Variants in ZFAND3 observed in about 807,000 individuals in gnomAD.
ZFAND3 encodes the protein AN1-type zinc finger protein 3.
In ZFAND3, 10 loss-of-function variants were observed where a neutral mutation model predicts 29.6. The ratio of observed to expected loss-of-function variants is 0.34; its 90% CI spans 0.21 to 0.57. The LOEUF (loss-of-function observed/expected upper bound fraction) is 0.57, where lower values mean the gene tolerates loss of function less well. Ranked by LOEUF, ZFAND3 falls within the 20% of genes least tolerant of loss-of-function variation. The pLI is 0.86. For synonymous variants in ZFAND3, 128 were observed against 112.6 expected (o/e 1.14, Z -0.87); for missense variants, 230 against 304.5 (o/e 0.76, Z 1.82).
chr6:38,111,362 A>C (rs1205962471), intron 4 of ZFAND3, among the ~76,000 whole-genome samples: 1 of 152,246 alleles, frequency 6.6e-6, no homozygotes, highest in African/African-American at 2.4e-5. Flanking sequence ...AATACAGTAT[A>C]ACAACTATTT....
chr6:37,965,454 G>A (rs1196881370), intron 2 of ZFAND3, among the ~76,000 whole-genome samples: 6 of 152,104 alleles, frequency 3.9e-5, no homozygotes, highest in East Asian at 1.9e-4. Context: ...GCGAGTAGCC[G>A]GGAGTTCATA....
rs1210302186 is a variant in ZFAND3, at chr6:37,889,478, G to A, written c.72-40481G>A. 2.6e-5 allele frequency among the ~76,000 whole-genome samples: 4 copies of A among 152,228 alleles called. 1 individual carries two copies. The highest frequency in any genetic ancestry group is 2.6e-4 in the Admixed American group (4 of 15,286). ...AAATGGGGATTTTATTAGTGAGAAGGATGGAGTAATAGCTAGGTATGTTAC... is the reference window on the plus strand; with the variant it reads ...AAATGGGGATTTTATTAGTGAGAAGAATGGAGTAATAGCTAGGTATGTTAC... On this transcript the variant is annotated intron_variant, in intron 1 of 5. Coordinates refer to ENST00000287218, the MANE Select transcript of ZFAND3 (RefSeq NM_021943.3).
At chr6:37,889,975 C>T (rs1765063446) in intron 1 of ZFAND3, among the ~76,000 whole-genome samples, 1 of 152,174 alleles carries the variant, frequency 6.6e-6, no homozygotes, top group Admixed American at 6.5e-5. Flanking sequence ...CAGGGTACTT[C>T]TCATGACATT....
intron 2 of ZFAND3, among the ~76,000 whole-genome samples, chr6:37,939,932 C>T (rs1047375961): frequency 1.2e-4 from 18 of 152,050 alleles, no homozygotes; most frequent in African/African-American, 3.6e-4. Flanking sequence ...CCCAGCTACT[C>T]CGGAAACTGA....
At chr6:37,828,009 A>G (rs530115924) in intron 1 of ZFAND3, among the ~76,000 whole-genome samples, 1 of 152,212 alleles carries the variant, frequency 6.6e-6, no homozygotes, top group South Asian at 2.1e-4. Flanking sequence ...CCTTTTTGGG[A>G]GTGTCTTTTC....
At chr6:38,134,553 C>T (rs1765804666) in intron 5 of ZFAND3, among the ~76,000 whole-genome samples, 1 of 152,168 alleles carries the variant, frequency 6.6e-6, no homozygotes, top group Admixed American at 6.5e-5. Context: ...ACTCCTTGAG[C>T]TTGATAGCTT....
At chr6:37,924,134 T>C (rs911992348) in intron 1 of ZFAND3, among the ~76,000 whole-genome samples, 38 of 152,182 alleles carry the variant, frequency 2.5e-4, no homozygotes, top group Non-Finnish European at 4.4e-5. Flanking sequence ...ACCTGTTATA[T>C]TCTGAGTGAC....
At chr6:37,992,992 A>G (rs1373840137) in intron 2 of ZFAND3, among the ~76,000 whole-genome samples, 1 of 152,206 alleles carries the variant, frequency 6.6e-6, no homozygotes. Context: ...TTGTTACTGC[A>G]TCACATTCCA....
In ZFAND3 at chr6:38,061,767, A is replaced by G. The variant is rs771830587; in HGVS notation, c.287A>G (p.Lys96Arg). The change falls in exon 3 of 6, where the codon AAA becomes AGA. Residue 96 changes from lysine (K) to arginine (R), a missense_variant. By Grantham distance (26) the Lys-to-Arg change is conservative. Around this residue, in one of 2 missense-constraint regions of ZFAND3, gnomAD observed 180 missense variants for 202.5 expected, o/e 0.89. Coordinates refer to ENST00000287218, the MANE Select transcript of ZFAND3 (RefSeq NM_021943.3). ...GAACTGAATGTAACTTCACCGAGTA[A>G]AGAGGAGTGTAAGTGTCTGGCTTCT... is the stretch of plus-strand genomic sequence containing the variant. ...PTELNVTSPS[K>R]EECGPCTDTA... 1 of 1,613,972 alleles carries G rather than the reference A, an allele frequency of 6.2e-7. No individual in the cohort carries two copies. Among genetic ancestry groups the G allele is most frequent in the Non-Finnish European group, 8.5e-7 (1 of 1,179,996 alleles).
intron 3 of ZFAND3, among the ~76,000 whole-genome samples, chr6:38,076,042 G>C (rs1301243326): frequency 6.6e-6 from 1 of 152,014 alleles, no homozygotes; most frequent in African/African-American, 2.4e-5. Flanking sequence ...GTGAGCCACC[G>C]ATCCCGGCCT....
chr6:38,121,349 C>T (rs1280852956), intron 5 of ZFAND3, among the ~76,000 whole-genome samples: 3 of 152,188 alleles, frequency 2.0e-5, no homozygotes, highest in African/African-American at 7.2e-5. Context: ...TGCACTGCAG[C>T]ATGGGCAACA....
At chr6:37,882,286 G>A (rs956651951) in intron 1 of ZFAND3, among the ~76,000 whole-genome samples, 2 of 152,112 alleles carry the variant, frequency 1.3e-5, no homozygotes, top group African/African-American at 2.4e-5. Context: ...TAGACCACAC[G>A]AAGCCCCTCC....
intron 2 of ZFAND3, among the ~76,000 whole-genome samples, chr6:37,968,150 C>T (rs1430429487): frequency 6.6e-6 from 1 of 151,798 alleles, no homozygotes. Flanking sequence ...GGTTTTTTGA[C>T]AAGAAATTGG....
At chr6:37,955,753 C>G (rs1324534160) in intron 2 of ZFAND3, among the ~76,000 whole-genome samples, 2 of 152,230 alleles carry the variant, frequency 1.3e-5, no homozygotes, top group Non-Finnish European at 1.5e-5. Flanking sequence ...GGCTCTGCCA[C>G]TTTACCTCAG....
intron 2 of ZFAND3, among the ~76,000 whole-genome samples, chr6:38,046,666 C>T (rs1313410388): frequency 6.6e-6 from 1 of 152,096 alleles, no homozygotes; most frequent in African/African-American, 2.4e-5. Flanking sequence ...AGGAATGAGC[C>T]TGACTCGTAA....
At chr6:37,878,156 C>T (rs906520061) in intron 1 of ZFAND3, among the ~76,000 whole-genome samples, 4 of 152,120 alleles carry the variant, frequency 2.6e-5, no homozygotes, top group South Asian at 2.1e-4. Context: ...AAGTATGATC[C>T]GATCCAATCC....
intron 1 of ZFAND3, among the ~76,000 whole-genome samples, chr6:37,893,845 C>T (rs543497432): frequency 1.3e-3 from 184 of 136,362 alleles, no homozygotes; most frequent in Non-Finnish European, 2.5e-3. Flanking sequence ...TGAGCCACCG[C>T]GCCCGGCCCA....
Position 37,937,103 on chromosome 6 carries a change from A to G in ZFAND3, c.112+7104A>G, listed in dbSNP as rs73421403. On this transcript the variant is annotated intron_variant, in intron 2 of 5. Transcript: ENST00000287218. The stretch of plus-strand genomic sequence containing the variant: ...TGCTTTCATTTCCTGTTAGAATACC[A>G]GAGTAAAAGTGGTCTGATTCTAGTC... Among the ~76,000 whole-genome samples, 218 of 152,336 alleles carry G rather than the reference A, an allele frequency of 1.4e-3. 1 individual carries two copies. Among genetic ancestry groups the G allele is most frequent in the African/African-American group, 4.4e-3 (181 of 41,578 alleles).
intron 2 of ZFAND3, among the ~76,000 whole-genome samples, chr6:37,931,198 A>G (rs915817578): frequency 6.6e-6 from 1 of 152,140 alleles, no homozygotes; most frequent in Non-Finnish European, 1.5e-5. Flanking sequence ...GCTCAAAGGG[A>G]CAGAGGAAGG....
Sources: gnomAD v4.1 joint callset for allele counts (sites outside exome capture counted in the v4.1 genomes callset) on GRCh38, gnomAD v4.1.1 for gene constraint, gnomAD v4.1.1 regional missense constraint, MANE v1.5 for transcripts, NCBI Gene and HGNC (gene_info 2026-07-23, HGNC 2026-07-21) for gene names.